KCNN4: variants seen among roughly 807,000 people sequenced by gnomAD.
The protein encoded by KCNN4 is potassium calcium-activated channel subfamily N member 4.
In KCNN4, 31 loss-of-function variants were observed where a neutral mutation model predicts 45.2. That is an observed-to-expected ratio of 0.69 (90% CI 0.52 to 0.92). The LOEUF (loss-of-function observed/expected upper bound fraction) is 0.92, where lower values mean the gene tolerates loss of function less well. Among genes scored for constraint, KCNN4 ranks in the 40% least tolerant of loss-of-function variants. KCNN4 has a pLI of 0.00. For synonymous variants in KCNN4, 231 were observed against 254.6 expected (o/e 0.91, Z 0.88); for missense variants, 463 against 574.0 (o/e 0.81, Z 1.98).
chr19:43,767,840 A>G, intron 7 of KCNN4, 133 bp from the exon 8 acceptor site: 2 of 1,143,212 alleles, frequency 1.7e-6, no homozygotes, highest in Non-Finnish European at 2.5e-6. Flanking sequence ...AATAACTGTT[A>G]CCATGTATTG....
chr19:43,767,311 G>A, intron 8 of KCNN4: 1 of 548,536 alleles, frequency 1.8e-6, no homozygotes, highest in Non-Finnish European at 3.3e-6. Flanking sequence ...GAGAGACCAA[G>A]CAAAGAGGGA....
At position 43,769,291 on chromosome 19, in the gene KCNN4, G is replaced by A. The variant is rs1170102624; in HGVS notation, c.1049+151C>T. 4 of 712,704 alleles carry A rather than the reference G, an allele frequency of 5.6e-6. No individual in the cohort carries two copies. The highest frequency in any genetic ancestry group is 1.6e-5 in the South Asian group (1 of 61,618). The allele number at this position is 712,704 out of a possible 1,614,324, so 44.1% of individuals were successfully genotyped here. Reference sequence around the variant, plus strand: ...AGCACAGACACATAGAGTCATGCACGGTCAGATCCAGGTGAGACCTGGATG... The same window carrying A: ...AGCACAGACACATAGAGTCATGCACAGTCAGATCCAGGTGAGACCTGGATG... On this transcript the variant is annotated intron_variant, in intron 6 of 8. Coordinates refer to ENST00000648319, the MANE Select transcript of KCNN4 (RefSeq NM_002250.3). The surrounding 1 kb of genome is among the most constrained non-coding windows in gnomAD (Gnocchi z 4.4).
At position 43,769,464 on chromosome 19, in the gene KCNN4, T is replaced by C. The variant is rs1969578066; in HGVS notation, c.1027A>G (p.Lys343Glu). The C allele has an allele frequency of 6.2e-7, 1 of 1,614,168 alleles. No individual in the cohort carries two copies. The highest frequency in any genetic ancestry group is 2.2e-5 in the East Asian group (1 of 44,872). ...ESHAARRHQR[K>E]LLAAINAFRQ... is the part of the protein sequence containing the mutation. ...CACGCGTTGATGGCGGCCAGCAGCT[T>C]GCGCTGATGCCTGCGGGCAGCATGA... Residue 343 changes from lysine (K) to glutamate (E), a missense_variant, in exon 6 of 9, where the codon AAG (lysine) becomes GAG (glutamate). Around this residue, in one of 3 missense-constraint regions of KCNN4, gnomAD observed 129 missense variants for 149.4 expected, o/e 0.86. Transcript: ENST00000648319. The surrounding 1 kb of genome is among the most constrained non-coding windows in gnomAD (Gnocchi z 4.4).
rs1206748525 is a variant in KCNN4, at chr19:43,772,721, C to G, written c.684-586G>C. ...ATTTGTCTAACTTTGTCCACAGGCCCCTTGCCGCAAGACCAGCAGGGAAAG... is the reference window on the plus strand; with the variant it reads ...ATTTGTCTAACTTTGTCCACAGGCCGCTTGCCGCAAGACCAGCAGGGAAAG... On this transcript the variant is annotated intron_variant, in intron 3 of 8. Transcript: ENST00000648319. The surrounding 1 kb of genome is among the most constrained non-coding windows in gnomAD (Gnocchi z 4.4). Among the ~76,000 whole-genome samples, 3 of 152,130 alleles carry G rather than the reference C, an allele frequency of 2.0e-5. No homozygotes were observed. Among genetic ancestry groups the G allele is most frequent in the African/African-American group, 4.8e-5 (2 of 41,424 alleles).
chr19:43,772,085 G>C lies in KCNN4; in HGVS notation c.734C>G (p.Pro245Arg). Residue 245 changes from proline to arginine, a missense_variant, in exon 4 of 9, where the codon CCC (proline) becomes CGC (arginine). Physicochemically the swap from Pro to Arg is moderately radical, Grantham distance 103. Transcript: ENST00000648319. This position sits in a 1 kb window ranked among gnomAD's most constrained non-coding sequence, Gnocchi z 4.4. ...ATAGCCGATGGTCAGGAATGTGATG[G>C]GGATCAGCCAAAGTGTGTCTGAAAG... Reference protein sequence around the residue: ...GHLSDTLWLIPITFLTIGYGD... With the variant: ...GHLSDTLWLIRITFLTIGYGD... 6.2e-7 allele frequency: 1 copy of C among 1,613,594 alleles called. No individual in the cohort carries two copies. The highest frequency in any genetic ancestry group is 8.5e-7 in the Non-Finnish European group (1 of 1,179,832).
chr19:43,769,938 G>A lies in KCNN4; in HGVS notation c.820-109C>T. On this transcript the variant is annotated intron_variant, in intron 4 of 8. Coordinates refer to ENST00000648319, the MANE Select transcript of KCNN4 (RefSeq NM_002250.3). The surrounding 1 kb of genome is among the most constrained non-coding windows in gnomAD (Gnocchi z 4.4). ...ACGACCATCCCCAGTTAGCAGACAA[G>A]CAAAGAGGCTCAGAGAGGAGAGCCA... 1 of 710,926 alleles carries A rather than the reference G, an allele frequency of 1.4e-6. No homozygotes were observed. The highest frequency in any genetic ancestry group is 2.4e-5 in the Admixed American group (1 of 42,048). The allele number at this position is 710,926 out of a possible 1,614,324, so 44.0% of individuals were successfully genotyped here.
intron 4 of KCNN4, among the ~76,000 whole-genome samples, chr19:43,771,219 C>A (rs2146446522): frequency 6.6e-6 from 1 of 152,244 alleles, no homozygotes; most frequent in Non-Finnish European, 1.5e-5. Flanking sequence ...CTGACTCAGG[C>A]TGCAGAGCCT....
At position 43,774,018 on chromosome 19, in the gene KCNN4, A is replaced by G. The variant is rs932326935; in HGVS notation, c.683+174T>C. 5.3e-5 allele frequency among the ~76,000 whole-genome samples: 8 copies of G among 152,164 alleles called. No homozygotes were observed. The highest frequency in any genetic ancestry group is 2.6e-4 in the Admixed American group (4 of 15,290). On this transcript the variant is annotated intron_variant, in intron 3 of 8. Transcript: ENST00000648319. The surrounding 1 kb of genome is among the most constrained non-coding windows in gnomAD (Gnocchi z 5.6). ...GGGGGCTTGTCTGTTGGTTCCTCTC[A>G]CCCCAGTTGATGGGAGTGTGGGCAA...
chr19:43,770,875 T>C (rs1258506131), intron 4 of KCNN4, among the ~76,000 whole-genome samples: 3 of 152,214 alleles, frequency 2.0e-5, no homozygotes, highest in Non-Finnish European at 4.4e-5. Context: ...TTTTGTCAAA[T>C]GAGGGAGGAG....
At chr19:43,776,376 T>C (rs938214278) in intron 2 of KCNN4, among the ~76,000 whole-genome samples, 165 bp downstream of exon 2, 2 of 152,010 alleles carry the variant, frequency 1.3e-5, no homozygotes, top group African/African-American at 2.4e-5. Context: ...TCTGCCTGTC[T>C]GCTCATGGTT....
At chr19:43,771,627 C>T (rs1054142277) in intron 4 of KCNN4, among the ~76,000 whole-genome samples, 2 of 152,114 alleles carry the variant, frequency 1.3e-5, no homozygotes, top group Non-Finnish European at 2.9e-5. Flanking sequence ...AGGATAAGGG[C>T]TGGGGCCCTA....
In KCNN4 at chr19:43,780,745, G is replaced by A. The variant is rs760162066; in HGVS notation, c.117C>T (p.Leu39=). The A allele has an allele frequency of 8.1e-6, 13 of 1,613,612 alleles. No individual in the cohort carries two copies. Among genetic ancestry groups the A allele is most frequent in the Admixed American group, 3.3e-5 (2 of 59,972 alleles). The change falls in exon 1 of 9, where the codon CTC becomes CTT. Residue 39 remains leucine, a synonymous_variant. Coordinates refer to ENST00000648319, the MANE Select transcript of KCNN4 (RefSeq NM_002250.3). The part of the protein sequence containing the change: ...ALVLAGTGIG[L]MVLHAEMLWF... ...ACAGCATCTCTGCATGCAGCACCAT[G>A]AGTCCAATGCCAGTTCCTGCCAGCA...
chr19:43,775,829 G>T (rs1382237586), intron 2 of KCNN4, among the ~76,000 whole-genome samples: 1 of 151,852 alleles, frequency 6.6e-6, no homozygotes, highest in Non-Finnish European at 1.5e-5. Context: ...ATTAGGAGTG[G>T]GCACCCCTGG....
At chr19:43,767,423 G>A in intron 8 of KCNN4, 117 bp downstream of exon 8, 1 of 1,293,672 alleles carries the variant, frequency 7.7e-7, no homozygotes, top group Non-Finnish European at 1.0e-6. Flanking sequence ...TGCCAGAGCT[G>A]ATGAGAAAAG....
rs1419194742 is a variant in KCNN4, at chr19:43,774,313, C to G, written c.562G>C (p.Val188Leu). The G allele has an allele frequency of 1.9e-6, 3 of 1,612,054 alleles. No individual in the cohort carries two copies. The highest frequency in any genetic ancestry group is 2.5e-6 in the Non-Finnish European group (3 of 1,179,168). ...GCCACGAACCAGTGGCGGAAGCGGA[C>G]TTGATTGAGAGCGCCGATGCTGCGG... is the stretch of plus-strand genomic sequence containing the variant. ...SYRSIGALNQVRFRHWFVAKL... is the reference protein window; with the variant it reads ...SYRSIGALNQLRFRHWFVAKL... The change falls in exon 3 of 9, where the codon GTC (valine) becomes CTC (leucine). Residue 188 changes from valine to leucine, a missense_variant. Coordinates refer to ENST00000648319, the MANE Select transcript of KCNN4 (RefSeq NM_002250.3). The surrounding 1 kb of genome is among the most constrained non-coding windows in gnomAD (Gnocchi z 5.6).
intron 1 of KCNN4, among the ~76,000 whole-genome samples, chr19:43,779,367 G>T (rs1334398506): frequency 2.0e-5 from 3 of 151,488 alleles, no homozygotes; most frequent in African/African-American, 7.3e-5. Context: ...CACCCCCTCA[G>T]TGCCCGCCGC....
At chr19:43,768,886 G>A (rs1599671712) in intron 7 of KCNN4, 77 bp downstream of exon 7, 2 of 1,465,800 alleles carry the variant, frequency 1.4e-6, no homozygotes, top group Non-Finnish European at 1.9e-6. Flanking sequence ...AAGGTTCCCT[G>A]TTCTAGGGCC....
chr19:43,770,592 C>A (rs892454126), intron 4 of KCNN4, among the ~76,000 whole-genome samples: 3 of 152,208 alleles, frequency 2.0e-5, no homozygotes, highest in African/African-American at 7.2e-5. Flanking sequence ...CAAACGCTGG[C>A]TCCAGGGGAC....
Position 43,774,221 on chromosome 19 carries a change from G to A in KCNN4, c.654C>T (p.Thr218=). ...LLGLTLGLWL[T]TAWVLSVAER... The stretch of plus-strand genomic sequence containing the variant: ...CGGCCACGGACAGCACCCAGGCGGT[G>A]GTCAGCCAGAGGCCAAGCGTGAGGC... Residue 218 remains threonine, a synonymous_variant, in exon 3 of 9, where the codon ACC becomes ACT. Coordinates refer to ENST00000648319, the MANE Select transcript of KCNN4 (RefSeq NM_002250.3). The surrounding 1 kb of genome is among the most constrained non-coding windows in gnomAD (Gnocchi z 5.6). The A allele has an allele frequency of 6.2e-7, 1 of 1,612,782 alleles. No homozygotes were observed. The highest frequency in any genetic ancestry group is 8.5e-7 in the Non-Finnish European group (1 of 1,179,238).
Sources: gnomAD v4.1 joint callset for allele counts (sites outside exome capture counted in the v4.1 genomes callset) on GRCh38, gnomAD v4.1.1 for gene constraint, gnomAD v4.1.1 regional missense constraint, Gnocchi (gnomAD v3.1) non-coding constraint, MANE v1.5 for transcripts, NCBI Gene and HGNC (gene_info 2026-07-23, HGNC 2026-07-21) for gene names.